NTM: variants seen among roughly 807,000 people sequenced by gnomAD.
The protein encoded by NTM is neurotrimin.
A neutral mutation model predicts 42.1 loss-of-function variants in NTM; 13 were observed. That is an observed-to-expected ratio of 0.31 (90% CI 0.20 to 0.49). NTM has a LOEUF of 0.49. NTM is among the 20% of genes least tolerant of loss of function. NTM has a pLI of 0.99. For missense variants in NTM, 373 were observed against 452.8 expected (o/e 0.82, Z 1.60); for synonymous variants, 187 against 179.2 (o/e 1.04, Z -0.35).
chr11:131,751,739 A>T (rs1221966240), intron 1 of NTM, among the ~76,000 whole-genome samples: 1 of 152,188 alleles, frequency 6.6e-6, no homozygotes, highest in South Asian at 2.1e-4. Context: ...CAGCCTGCTG[A>T]CAGAGCAAGA....
chr11:132,064,667 A>G (rs1419373495), intron 2 of NTM, among the ~76,000 whole-genome samples: 3 of 152,130 alleles, frequency 2.0e-5, no homozygotes, highest in Admixed American at 6.5e-5. Context: ...CAGGAAACAA[A>G]CCTGAAAATA....
chr11:131,675,258 T>C (rs979889404), intron 1 of NTM, among the ~76,000 whole-genome samples: 3 of 152,262 alleles, frequency 2.0e-5, no homozygotes, highest in Non-Finnish European at 4.4e-5. Flanking sequence ...AGCTCATCTG[T>C]TGTCGACTGG....
At chr11:131,871,424 T>A (rs2047770257) in intron 1 of NTM, among the ~76,000 whole-genome samples, 1 of 152,226 alleles carries the variant, frequency 6.6e-6, no homozygotes, top group South Asian at 2.1e-4. Flanking sequence ...ATAAAGCTAC[T>A]GAGGCAATGA....
chr11:132,160,905 G>C (rs532730327), intron 3 of NTM, among the ~76,000 whole-genome samples: 29 of 152,288 alleles, frequency 1.9e-4, no homozygotes, highest in African/African-American at 7.0e-4. Flanking sequence ...GGAGAGACCC[G>C]AGAGGGGAGC....
intron 1 of NTM, among the ~76,000 whole-genome samples, chr11:131,710,948 T>C (rs1005884644): frequency 6.6e-5 from 10 of 152,198 alleles, no homozygotes; most frequent in African/African-American, 2.4e-4. Context: ...GGAGTATTTC[T>C]GGCTACTGCA....
In NTM at chr11:132,126,466, G is replaced by A. The variant is rs2065857208; in HGVS notation, c.168-19816G>A. 2.0e-5 allele frequency among the ~76,000 whole-genome samples: 3 copies of A among 152,148 alleles called. No homozygotes were observed. In the South Asian group the frequency reaches 6.2e-4, roughly 31 times the overall value. Reference sequence around the variant, plus strand: ...TGTTATGCAGAGGCTGACAAAATGAGGCGATCAGATTGGAAATCAAAGCTC... The same window carrying A: ...TGTTATGCAGAGGCTGACAAAATGAAGCGATCAGATTGGAAATCAAAGCTC... On this transcript the variant is annotated intron_variant, in intron 2 of 8. Transcript: ENST00000683400.
intron 6 of NTM, chr11:132,312,426 C>G (rs537096178): frequency 7.2e-5 from 11 of 152,330 alleles, no homozygotes; most frequent in Non-Finnish European, 1.3e-4. Context: ...CTACGGAAGG[C>G]CACCCATCCA....
chr11:132,115,799 G>A (rs532211817), intron 2 of NTM, among the ~76,000 whole-genome samples: 1 of 152,294 alleles, frequency 6.6e-6, no homozygotes, highest in South Asian at 2.1e-4. Context: ...AACCTTGTAG[G>A]AGCCTTTACC....
At chr11:132,024,096 G>A (rs549278217) in intron 2 of NTM, among the ~76,000 whole-genome samples, 38 of 152,156 alleles carry the variant, frequency 2.5e-4, no homozygotes, top group African/African-American at 8.4e-4. Flanking sequence ...GGGATTACAG[G>A]TGTGAGCTAC....
At chr11:132,222,632 C>A (rs2085398563) in intron 4 of NTM, among the ~76,000 whole-genome samples, 1 of 152,136 alleles carries the variant, frequency 6.6e-6, no homozygotes, top group Admixed American at 6.6e-5. Flanking sequence ...AATACCATGG[C>A]ACAGCCGCAG....
At chr11:131,605,363 C>T (rs2060855075) in intron 1 of NTM, among the ~76,000 whole-genome samples, 1 of 152,094 alleles carries the variant, frequency 6.6e-6, no homozygotes, top group East Asian at 1.9e-4. Flanking sequence ...TTGTTAATTG[C>T]TAGTGTAGAA....
chr11:132,000,132 C>G (rs2068903934), intron 2 of NTM, among the ~76,000 whole-genome samples: 1 of 152,160 alleles, frequency 6.6e-6, no homozygotes, highest in South Asian at 2.1e-4. Context: ...GCCCTCAGCC[C>G]ACCTGGAAGC....
In NTM at chr11:131,551,917, C is replaced by T. The variant is rs541919597; in HGVS notation, c.82+181029C>T. On this transcript the variant is annotated intron_variant, in intron 1 of 8. Transcript: ENST00000683400. The stretch of plus-strand genomic sequence containing the variant: ...CACACTGGGCATGGCAGAAAAGAGG[C>T]GCAGACCTCTTTGGCCATCCAACAC... Among the ~76,000 whole-genome samples the T allele has an allele frequency of 7.9e-5, 12 of 152,270 alleles. No individual in the cohort carries two copies. In the South Asian group the frequency reaches 2.3e-3, roughly 29 times the overall value.
intron 2 of NTM, among the ~76,000 whole-genome samples, chr11:132,105,870 A>G (rs934851699): frequency 6.6e-6 from 1 of 151,986 alleles, no homozygotes; most frequent in Non-Finnish European, 1.5e-5. Flanking sequence ...GAAAGAGGGG[A>G]TGTTCTAGAT....
intron 1 of NTM, among the ~76,000 whole-genome samples, chr11:131,653,207 A>T (rs1392803973): frequency 6.6e-6 from 1 of 151,082 alleles, no homozygotes; most frequent in Non-Finnish European, 1.5e-5. Context: ...TTTCTTAGGG[A>T]CCTTTTTTTT....
chr11:131,608,769 C>T (rs747028156), intron 1 of NTM, among the ~76,000 whole-genome samples: 2 of 152,086 alleles, frequency 1.3e-5, no homozygotes, highest in African/African-American at 2.4e-5. Flanking sequence ...TTTAAATGTG[C>T]CCTGTTTGTA....
chr11:131,413,135 C>A (rs2135768339), intron 1 of NTM, among the ~76,000 whole-genome samples: 1 of 152,296 alleles, frequency 6.6e-6, no homozygotes, highest in Admixed American at 6.5e-5. Flanking sequence ...AACGGCTGTT[C>A]TTTCAAAGGA....
intron 1 of NTM, among the ~76,000 whole-genome samples, chr11:131,781,309 T>G (rs186280691): frequency 4.8e-4 from 73 of 151,980 alleles, no homozygotes; most frequent in African/African-American, 1.6e-3. Context: ...AGCATAAAAG[T>G]TTTGAACTCA....
At chr11:131,962,184 C>T (rs994898433) in intron 2 of NTM, among the ~76,000 whole-genome samples, 2 of 152,108 alleles carry the variant, frequency 1.3e-5, no homozygotes, top group Admixed American at 6.5e-5. Flanking sequence ...CCAAGAAATA[C>T]CAGCCCCTCT....
Sources: allele counts gnomAD v4.1 joint callset (sites outside exome capture counted in the v4.1 genomes callset), GRCh38; gene constraint gnomAD v4.1.1; transcripts MANE v1.5; gene names NCBI Gene and HGNC (gene_info 2026-07-23, HGNC 2026-07-21).